DYNC2I1: variants seen among roughly 807,000 people sequenced by gnomAD.
DYNC2I1 encodes the protein cytoplasmic dynein 2 intermediate chain 1.
In DYNC2I1, 89 loss-of-function variants were observed where a neutral mutation model predicts 133.4. The ratio of observed to expected loss-of-function variants is 0.67; its 90% CI spans 0.56 to 0.80. The LOEUF (loss-of-function observed/expected upper bound fraction) is 0.80, where lower values mean the gene tolerates loss of function less well. Ranked by LOEUF, DYNC2I1 falls within the 30% of genes least tolerant of loss-of-function variation. The probability of loss-of-function intolerance (pLI) is 0.00; values close to 1 mark genes in which losing one functional copy is unlikely to be tolerated. For synonymous variants in DYNC2I1, 504 were observed against 484.3 expected (o/e 1.04, Z -0.54); for missense variants, 1,291 against 1,314.5 (o/e 0.98, Z 0.28).
At chr7:158,871,831 G>T (rs558428611) in intron 3 of DYNC2I1, among the ~76,000 whole-genome samples, 43 of 152,258 alleles carry the variant, frequency 2.8e-4, no homozygotes, top group African/African-American at 1.0e-3. Context: ...ACTGTGCCCA[G>T]CTGGCTCTAT....
the DYNC2I1 span, among the ~76,000 whole-genome samples, chr7:158,841,212 TATATATATA>T: frequency 3.7e-5 from 3 of 80,228 alleles, 1 homozygote; most frequent in South Asian, 3.8e-4. Flanking sequence ...TATATATATA[TATATATATA>T]TTTTAGACAG....
downstream of DYNC2I1, among the ~76,000 whole-genome samples, chr7:158,946,371 A>T (rs1171808881): frequency 6.6e-6 from 1 of 152,264 alleles, no homozygotes; most frequent in Admixed American, 6.5e-5. Context: ...ACTAGGAATC[A>T]TGCTGCTGTT....
chr7:158,935,115 T>A (rs1354942079), intron 23 of DYNC2I1, among the ~76,000 whole-genome samples: 1 of 152,274 alleles, frequency 6.6e-6, no homozygotes, highest in Non-Finnish European at 1.5e-5. Flanking sequence ...GATTTTTGCC[T>A]GTGTTCTTTT....
upstream of DYNC2I1, among the ~76,000 whole-genome samples, chr7:158,854,809 T>C (rs916138236): frequency 6.6e-6 from 1 of 152,218 alleles, no homozygotes; most frequent in African/African-American, 2.4e-5. Flanking sequence ...GTTCTAATTC[T>C]TGCAGAGGTA....
intron 23 of DYNC2I1, among the ~76,000 whole-genome samples, 172 bp from the exon 24 acceptor site, chr7:158,941,753 G>T (rs1039980892): frequency 1.3e-5 from 2 of 152,108 alleles, no homozygotes. Flanking sequence ...TGGTGCCTGC[G>T]TGTAGTCTCA....
intron 8 of DYNC2I1, among the ~76,000 whole-genome samples, chr7:158,891,710 TGAG>T (rs764003399): frequency 6.6e-6 from 1 of 152,084 alleles, no homozygotes; most frequent in African/African-American, 2.4e-5. Context: ...TTGAAGAAAG[TGAG>T]GAGATTTGAA....
chr7:158,950,447 G>A (rs5018043), downstream of DYNC2I1, among the ~76,000 whole-genome samples: 7 of 114,860 alleles, frequency 6.1e-5, no homozygotes, highest in Non-Finnish European at 9.4e-5. Flanking sequence ...TATACTGCAC[G>A]GGGACCAGCC....
the DYNC2I1 span, among the ~76,000 whole-genome samples, chr7:158,844,848 C>T: frequency 2.0e-5 from 3 of 152,100 alleles, no homozygotes; most frequent in South Asian, 2.1e-4. Flanking sequence ...CTCGAACTCC[C>T]GACCTCAGGT....
At chr7:158,936,521 G>A (rs1850771374) in intron 23 of DYNC2I1, among the ~76,000 whole-genome samples, 1 of 152,190 alleles carries the variant, frequency 6.6e-6, no homozygotes. Flanking sequence ...TGGACAACCA[G>A]TTTTTCTACT....
chr7:158,913,823 C>T (rs894322260), intron 13 of DYNC2I1, among the ~76,000 whole-genome samples: 8 of 152,184 alleles, frequency 5.3e-5, no homozygotes, highest in African/African-American at 1.9e-4. Context: ...ATTCTCCTGC[C>T]TCAGCCTCCC....
intron 14 of DYNC2I1, among the ~76,000 whole-genome samples, chr7:158,916,629 C>T (rs1280572208): frequency 1.1e-4 from 8 of 71,916 alleles, no homozygotes; most frequent in East Asian, 6.0e-4. Flanking sequence ...GATTGTGAAA[C>T]GTCTACACGC....
chr7:158,852,507 A>G (rs1304107158), upstream of DYNC2I1, among the ~76,000 whole-genome samples: 2 of 151,546 alleles, frequency 1.3e-5, no homozygotes, highest in East Asian at 2.0e-4. Context: ...TTGGGAGGCC[A>G]AGGTGGGCAG....
At chr7:158,942,250 A>G in intron 24 of DYNC2I1, 102 bp downstream of exon 24, 2 of 843,864 alleles carry the variant, frequency 2.4e-6, no homozygotes, top group Non-Finnish European at 3.5e-6. Context: ...AGGCTGCTAC[A>G]TTTTAAGATG....
intron 1 of DYNC2I1, among the ~76,000 whole-genome samples, chr7:158,860,911 C>T (rs1841815679): frequency 6.6e-6 from 1 of 152,166 alleles, no homozygotes; most frequent in Non-Finnish European, 1.5e-5. Context: ...AGTGGGGTCT[C>T]CAAGGTTGGT....
chr7:158,922,640 G>C, intron 16 of DYNC2I1, 91 bp downstream of exon 16: 2 of 1,318,118 alleles, frequency 1.5e-6, no homozygotes, highest in Non-Finnish European at 2.1e-6. Flanking sequence ...ACGGAGAGAG[G>C]TGCAGGGACA....
Position 158,926,975 on chromosome 7 carries a change from C to A in DYNC2I1, c.2434-17C>A. The A allele has an allele frequency of 6.4e-7, 1 of 1,574,118 alleles. No individual in the cohort carries two copies. Among genetic ancestry groups the A allele is most frequent in the Non-Finnish European group, 8.7e-7 (1 of 1,153,638 alleles). On this transcript the variant is annotated splice_polypyrimidine_tract_variant and intron_variant, in intron 19 of 24. Transcript: ENST00000407559. ...TATAAAATGTATCAATATTCATTTT[C>A]AATATTCTGTTTTTAGGTGGTTGTT...
At position 158,871,148 on chromosome 7, in the gene DYNC2I1, C is replaced by A; in HGVS notation, c.76C>A (p.Gln26Lys). The A allele has an allele frequency of 6.2e-7, 1 of 1,611,848 alleles. No homozygotes were observed. Among genetic ancestry groups the A allele is most frequent in the Non-Finnish European group, 8.5e-7 (1 of 1,178,898 alleles). The part of the protein sequence containing the change: ...DDLRKHLWAI[Q>K]SGGSKEERKH... ...CTTTGTTCTCTTGTTTCAGGCCATACAGTCAGGTGGTTCCAAGGAAGAAAG... is the reference window on the plus strand; with the variant it reads ...CTTTGTTCTCTTGTTTCAGGCCATAAAGTCAGGTGGTTCCAAGGAAGAAAG... The change falls in exon 3 of 25, where the codon CAG (glutamine) becomes AAG (lysine). Residue 26 changes from glutamine to lysine, a missense_variant. Gln to Lys is a moderately conservative substitution (Grantham distance 53). Transcript: ENST00000407559.
At chr7:158,890,395 G>T (rs907396266) in intron 7 of DYNC2I1, among the ~76,000 whole-genome samples, 3 of 151,792 alleles carry the variant, frequency 2.0e-5, no homozygotes, top group African/African-American at 7.3e-5. Context: ...GTATCTAACA[G>T]CTTGTTTTGG....
At position 158,945,246 on chromosome 7, in the gene DYNC2I1, C is replaced by A. The variant is rs1461902542; in HGVS notation, c.3003-335C>A. ...GGTGAGATCCAGGGAGGCTGGAGAC[C>A]AAGGACGAGGCTCTGATAGATGGGC... is the stretch of plus-strand genomic sequence containing the variant. On this transcript the variant is annotated intron_variant, in intron 24 of 24. Coordinates refer to ENST00000407559, the MANE Select transcript of DYNC2I1 (RefSeq NM_018051.5). The surrounding 1 kb of genome is among the most constrained non-coding windows in gnomAD (Gnocchi z 4.1). Among the ~76,000 whole-genome samples the A allele has an allele frequency of 6.6e-6, 1 of 151,942 alleles. No homozygotes were observed. The highest frequency in any genetic ancestry group is 1.5e-5 in the Non-Finnish European group (1 of 68,000).
Sources: gnomAD v4.1 joint callset for allele counts (sites outside exome capture counted in the v4.1 genomes callset) on GRCh38, gnomAD v4.1.1 for gene constraint, Gnocchi (gnomAD v3.1) non-coding constraint, MANE v1.5 for transcripts, NCBI Gene and HGNC (gene_info 2026-07-23, HGNC 2026-07-21) for gene names.